ELK1: variants seen among roughly 807,000 people sequenced by gnomAD.
The protein encoded by ELK1 is ETS transcription factor ELK1.
For synonymous variants in ELK1, 163 were observed against 176.3 expected, an observed-to-expected ratio of 0.92 and a Z score of 0.60; for missense variants, 254 against 381.5, an observed-to-expected ratio of 0.67 and a Z score of 2.78.
chrX:47,639,418 G>A, intron 3 of ELK1, 80 bp from the exon 4 acceptor site: 1 of 834,543 alleles, frequency 1.2e-6, no homozygotes, highest in Non-Finnish European at 1.7e-6. Context: ...GAGGAGGGGG[G>A]TGGAGTGGCA....
At position 47,637,770 on chromosome X, in the gene ELK1, A is replaced by G; in HGVS notation, c.1067T>C (p.Leu356Pro). The change falls in exon 5 of 7, where the codon CTG (leucine) becomes CCG (proline). Residue 356 changes from leucine (L) to proline (P), a missense_variant. Coordinates refer to ENST00000376983, the MANE Select transcript of ELK1 (RefSeq NM_001114123.3). ...ACTCACCAATGTATGCGTAGGAAGC[A>G]GGGATGGGGTCAGCGCCGGCCCCGG... Reference protein sequence around the residue: ...QAPGPALTPSLLPTHTLTPVL... With the variant: ...QAPGPALTPSPLPTHTLTPVL... 1 of 1,193,755 alleles carries G rather than the reference A, an allele frequency of 8.4e-7. No individual in the cohort carries two copies. Among genetic ancestry groups the G allele is most frequent in the South Asian group, 1.8e-5 (1 of 55,025 alleles).
intron 2 of ELK1, 38 bp from the exon 3 acceptor site, chrX:47,641,513 T>C (rs1204618793): frequency 1.6e-5 from 17 of 1,046,998 alleles, no homozygotes; most frequent in Admixed American, 7.7e-5. Flanking sequence ...GCTGTGGACA[T>C]AGGAGGGGCA....
At chrX:47,648,828 T>C (rs2058051113) in intron 2 of ELK1, 1 of 107,201 alleles carries the variant, frequency 9.3e-6, no homozygotes, top group Non-Finnish European at 1.9e-5. Context: ...AGAGAGGAAG[T>C]GGTTAAATCA....
At position 47,639,226 on chromosome X, in the gene ELK1, G is replaced by C. The variant is rs762811151; in HGVS notation, c.323C>G (p.Thr108Ser). ...AGGGGCCACATTTGGCATGGTGGAG[G>C]TAACAGACACCTCTGGCTGGGGCGG... is the stretch of plus-strand genomic sequence containing the variant. ...DCPPQPEVSV[T>S]STMPNVAPAA... The change falls in exon 4 of 7, where the codon ACC becomes AGC. Residue 108 changes from threonine (T) to serine (S), a missense_variant. By Grantham distance (58) the Thr-to-Ser change is moderately conservative. Transcript: ENST00000376983. 2.5e-6 allele frequency: 3 copies of C among 1,210,282 alleles called. No homozygotes were observed. The Admixed American group carries it at 6.5e-5, about 26-fold the overall frequency.
At chrX:47,637,714 T>A (rs1453488463) in intron 5 of ELK1, 37 bp downstream of exon 5, 1 of 1,154,083 alleles carries the variant, frequency 8.7e-7, no homozygotes. Context: ...CCATTGGTGC[T>A]GGCGCCCACA....
rs2058005686 is a variant in ELK1, at chrX:47,635,856, A to G, written c.*973T>C. On this transcript the variant is annotated 3_prime_UTR_variant, in exon 7 of 7. Transcript: ENST00000376983. The stretch of plus-strand genomic sequence containing the variant: ...CTGGGAGGGAGGGAACTGAAAATTC[A>G]TGTTTGGTATCAAAAATAAACACTT... The G allele has an allele frequency of 9.0e-6, 1 of 111,498 alleles. No homozygotes were observed. The highest frequency in any genetic ancestry group is 3.3e-5 in the African/African-American group (1 of 30,503). The allele number at this position is 111,498 out of a possible 1,213,427, so 9.2% of individuals were successfully genotyped here.
At chrX:47,648,729 G>C (rs1259583722) in intron 2 of ELK1, among the ~76,000 whole-genome samples, 1 of 112,127 alleles carries the variant, frequency 8.9e-6, no homozygotes, top group Non-Finnish European at 1.9e-5. Flanking sequence ...AAGGTTACTT[G>C]TTTTACCATT....
intron 2 of ELK1, among the ~76,000 whole-genome samples, chrX:47,648,092 C>T (rs2058049108): frequency 9.0e-6 from 1 of 111,272 alleles, no homozygotes; most frequent in Admixed American, 9.5e-5. Context: ...TACGCCTGTG[C>T]CTTTAAGAGA....
chrX:47,637,947 G>A lies in ELK1; in HGVS notation c.890C>T (p.Ala297Val), dbSNP rs774035251. The stretch of plus-strand genomic sequence containing the variant: ...AGGGCTGGAAGCCGCATGGCCGCCC[G>A]CCTGCCCTGCGGTGTCCATAACAAC... ...PAVVMDTAGQAGGHAASSPEI... is the reference protein window; with the variant it reads ...PAVVMDTAGQVGGHAASSPEI... Residue 297 changes from alanine to valine, a missense_variant, in exon 5 of 7, where the codon GCG becomes GTG. Physicochemically the swap from Ala to Val is moderately conservative, Grantham distance 64. Coordinates refer to ENST00000376983, the MANE Select transcript of ELK1 (RefSeq NM_001114123.3). 3.3e-6 allele frequency: 4 copies of A among 1,203,196 alleles called. No homozygotes were observed. In the African/African-American group the frequency reaches 7.0e-5, roughly 21 times the overall value.
At position 47,639,354 on chromosome X, in the gene ELK1, AG is replaced by A. The variant is rs765036702; in HGVS notation, c.211-17del. 1.0e-5 allele frequency: 12 copies of A among 1,174,880 alleles called. No individual in the cohort carries two copies. Among genetic ancestry groups the A allele is most frequent in the Non-Finnish European group, 1.3e-5 (11 of 873,032 alleles). On this transcript the variant is annotated splice_polypyrimidine_tract_variant and intron_variant, in intron 3 of 6. Transcript: ENST00000376983. ...GGATGATGTTCTAGGAAGGGAGGAG[AG>A]GAACAGAGGGCCTTAGAGGAAAGGG...
At chrX:47,642,149 C>T (rs2058030530) in intron 2 of ELK1, among the ~76,000 whole-genome samples, 1 of 111,921 alleles carries the variant, frequency 8.9e-6, no homozygotes, top group Non-Finnish European at 1.9e-5. Context: ...GAATTGGATT[C>T]TGCCAACAAC....
At chrX:47,642,073 A>C (rs1351106185) in intron 2 of ELK1, among the ~76,000 whole-genome samples, 1 of 111,675 alleles carries the variant, frequency 9.0e-6, no homozygotes, top group East Asian at 2.8e-4. Flanking sequence ...CAGCCTCTTA[A>C]AGCTGGGAAT....
At chrX:47,646,675 A>G (rs1353563226) in intron 2 of ELK1, among the ~76,000 whole-genome samples, 1 of 112,489 alleles carries the variant, frequency 8.9e-6, no homozygotes, top group Admixed American at 9.4e-5. Context: ...CGTGTGGTAA[A>G]CATCCTTTGG....
At chrX:47,641,069 G>C (rs1434557759) in intron 3 of ELK1, among the ~76,000 whole-genome samples, 163 bp downstream of exon 3, 1 of 111,641 alleles carries the variant, frequency 9.0e-6, no homozygotes, top group African/African-American at 3.3e-5. Flanking sequence ...AGGTGAGATA[G>C]TGTTTAGGGG....
At chrX:47,646,985 C>T in intron 2 of ELK1, among the ~76,000 whole-genome samples, 1 of 111,732 alleles carries the variant, frequency 8.9e-6, no homozygotes, top group Non-Finnish European at 1.9e-5. Flanking sequence ...TTAAGGCTCT[C>T]TCCGTCTCTA....
rs188557403 is a variant in ELK1, at chrX:47,639,548, C to T, written c.211-210G>A. Among the ~76,000 whole-genome samples, 118 of 111,516 alleles carry T rather than the reference C, an allele frequency of 1.1e-3. 1 individual carries two copies. The highest frequency in any genetic ancestry group is 4.6e-3 in the Middle Eastern group (1 of 218). On this transcript the variant is annotated intron_variant, in intron 3 of 6. Transcript: ENST00000376983. Reference sequence around the variant, plus strand: ...ATTGGTTTCTACCTCTTTCCTCTCCCGCCAGATTCCCCTTATCTATATCCC... The same window carrying T: ...ATTGGTTTCTACCTCTTTCCTCTCCTGCCAGATTCCCCTTATCTATATCCC...
At chrX:47,649,780 G>C (rs1186288469) in intron 2 of ELK1, 141 bp downstream of exon 2, 1 of 97,780 alleles carries the variant, frequency 1.0e-5, no homozygotes, top group Non-Finnish European at 2.0e-5. Flanking sequence ...TAGCTAAAGG[G>C]ACGTGAATCC....
intron 2 of ELK1, among the ~76,000 whole-genome samples, chrX:47,645,830 T>C (rs1603093622): frequency 8.9e-6 from 1 of 112,079 alleles, no homozygotes; most frequent in East Asian, 2.8e-4. Context: ...ATTCTTCCTC[T>C]GCGTGATCAA....
chrX:47,639,383 A>C, intron 3 of ELK1, 45 bp from the exon 4 acceptor site: 1 of 760,882 alleles, frequency 1.3e-6, no homozygotes, highest in Non-Finnish European at 1.9e-6. Flanking sequence ...GGAAAGGGGC[A>C]GGCTGGAGGC....
Sources: allele counts gnomAD v4.1 joint callset (sites outside exome capture counted in the v4.1 genomes callset), GRCh38; gene constraint gnomAD v4.1.1; transcripts MANE v1.5; gene names NCBI Gene and HGNC (gene_info 2026-07-23, HGNC 2026-07-21).